Variants in GNAQ observed in about 807,000 individuals in gnomAD.
GNAQ encodes the protein G protein subunit alpha q.
In GNAQ, 8 loss-of-function variants were observed where a neutral mutation model predicts 43.9. The observed-to-expected ratio is 0.18, with a 90% CI of 0.11 to 0.33. The LOEUF is 0.33. Ranked by LOEUF, GNAQ falls within the 10% of genes least tolerant of loss-of-function variation. GNAQ has a pLI of 1.00. For missense variants in GNAQ, 158 were observed against 450.8 expected (o/e 0.35, Z 5.88); for synonymous variants, 155 against 170.7 (o/e 0.91, Z 0.71).
At chr9:77,824,263 CT>C (rs1158097100) in intron 2 of GNAQ, among the ~76,000 whole-genome samples, 1 of 152,038 alleles carries the variant, frequency 6.6e-6, no homozygotes, top group African/African-American at 2.4e-5. Flanking sequence ...CTTGGTAGAC[CT>C]TAATAGTTTT....
chr9:77,745,968 T>G (rs1825722217), intron 5 of GNAQ, among the ~76,000 whole-genome samples: 1 of 152,070 alleles, frequency 6.6e-6, no homozygotes, highest in Non-Finnish European at 1.5e-5. Flanking sequence ...TCCTTAAATT[T>G]CAGAATTATC....
chr9:77,880,280 T>A (rs575378769), intron 2 of GNAQ, among the ~76,000 whole-genome samples: 1 of 152,304 alleles, frequency 6.6e-6, no homozygotes, highest in African/African-American at 2.4e-5. Flanking sequence ...GAATTTGTAA[T>A]AATGTTTATA....
chr9:77,971,114 T>C (rs1823231989), intron 1 of GNAQ, among the ~76,000 whole-genome samples: 1 of 152,096 alleles, frequency 6.6e-6, no homozygotes, highest in Non-Finnish European at 1.5e-5. Context: ...AATAACAGGT[T>C]CTGAAATTGA....
chr9:77,920,628 G>GAT (rs1440350676), intron 2 of GNAQ, among the ~76,000 whole-genome samples: 3 of 152,170 alleles, frequency 2.0e-5, no homozygotes, highest in Admixed American at 1.3e-4. Flanking sequence ...AGACTACTTA[G>GAT]ATATATCCAT....
chr9:77,955,454 C>T (rs1000213379), intron 1 of GNAQ, among the ~76,000 whole-genome samples: 1 of 152,024 alleles, frequency 6.6e-6, no homozygotes, highest in East Asian at 1.9e-4. Flanking sequence ...AATGTTTACT[C>T]CTTAGTGAAA....
intron 2 of GNAQ, among the ~76,000 whole-genome samples, chr9:77,875,028 G>A (rs1438770708): frequency 6.6e-6 from 1 of 152,034 alleles, no homozygotes; most frequent in Non-Finnish European, 1.5e-5. Context: ...CCTCTAACTG[G>A]TTCAGTGTAA....
chr9:77,993,940 T>C (rs1172931404), intron 1 of GNAQ, among the ~76,000 whole-genome samples: 2 of 152,112 alleles, frequency 1.3e-5, no homozygotes, highest in African/African-American at 2.4e-5. Context: ...CCTTAAGAAA[T>C]GAAAAACCAT....
intron 1 of GNAQ, among the ~76,000 whole-genome samples, chr9:78,007,412 A>AG: frequency 1.3e-5 from 2 of 151,996 alleles, no homozygotes; most frequent in South Asian, 4.2e-4. Context: ...CCCTTGCTCA[A>AG]GCAAGCCACC....
chr9:77,739,657 C>T (rs1410012707), intron 5 of GNAQ, among the ~76,000 whole-genome samples: 1 of 152,176 alleles, frequency 6.6e-6, no homozygotes, highest in Admixed American at 6.5e-5. Context: ...TATGGCACCA[C>T]CTAACTTGCT....
intron 1 of GNAQ, among the ~76,000 whole-genome samples, chr9:78,004,034 C>T (rs75463253): frequency 0.042 from 6,318 of 152,040 alleles, 197 homozygotes; most frequent in Non-Finnish European, 0.055. Context: ...TATAAATCAT[C>T]ACAATTACAA....
intron 2 of GNAQ, among the ~76,000 whole-genome samples, chr9:77,900,320 A>C (rs1828582080): frequency 1.3e-5 from 2 of 152,224 alleles, no homozygotes; most frequent in African/African-American, 4.8e-5. Flanking sequence ...ATCAGGAGAC[A>C]CTAAGATATT....
intron 2 of GNAQ, among the ~76,000 whole-genome samples, chr9:77,833,411 C>T (rs1360058958): frequency 2.6e-5 from 4 of 152,178 alleles, no homozygotes; most frequent in Non-Finnish European, 5.9e-5. Context: ...CAGTGTGGCT[C>T]CAAAGTACAA....
At chr9:78,009,752 A>G (rs1339470211) in intron 1 of GNAQ, among the ~76,000 whole-genome samples, 1 of 152,240 alleles carries the variant, frequency 6.6e-6, no homozygotes, top group African/African-American at 2.4e-5. Context: ...GTTTAAATGA[A>G]TCTGATCTTG....
intron 5 of GNAQ, among the ~76,000 whole-genome samples, chr9:77,774,267 AAG>A (rs1296440921): frequency 6.6e-6 from 1 of 152,206 alleles, no homozygotes; most frequent in Non-Finnish European, 1.5e-5. Context: ...TTACTTCTAA[AAG>A]ATGTATCAGT....
At chr9:77,906,797 C>T (rs1332493333) in intron 2 of GNAQ, among the ~76,000 whole-genome samples, 1 of 152,168 alleles carries the variant, frequency 6.6e-6, no homozygotes, top group African/African-American at 2.4e-5. Context: ...CTCCAAACCT[C>T]AATGGGGGTT....
At chr9:77,985,054 T>G (rs1216008516) in intron 1 of GNAQ, among the ~76,000 whole-genome samples, 1 of 152,186 alleles carries the variant, frequency 6.6e-6, no homozygotes, top group African/African-American at 2.4e-5. Context: ...CTCACACCTG[T>G]AATCCCAGCA....
chr9:77,889,354 T>A (rs1485511676), intron 2 of GNAQ, among the ~76,000 whole-genome samples: 3 of 128,708 alleles, frequency 2.3e-5, no homozygotes, highest in Non-Finnish European at 4.6e-5. Context: ...TAGGGTGCAG[T>A]GAGCCAAGAT....
chr9:77,717,866 T>C lies in GNAQ; in HGVS notation c.*3457A>G, dbSNP rs1190365430. On this transcript the variant is annotated 3_prime_UTR_variant, in exon 7 of 7. Transcript: ENST00000286548. ...ATGACATTCAACAGAGCTCTTTATA[T>C]GGAAATGTTAAAAACAAAAACTTCT... 1.3e-5 allele frequency: 3 copies of C among 232,544 alleles called. No individual in the cohort carries two copies. Among genetic ancestry groups the C allele is most frequent in the Middle Eastern group, 1.3e-3 (1 of 782 alleles). The allele number at this position is 232,544 out of a possible 1,614,324, so 14.4% of individuals were successfully genotyped here.
intron 5 of GNAQ, among the ~76,000 whole-genome samples, chr9:77,761,521 C>T (rs1826022281): frequency 7.0e-6 from 1 of 143,058 alleles, no homozygotes; most frequent in African/African-American, 2.6e-5. Flanking sequence ...CCCCGCCCGG[C>T]CAGCCGCCCC....
Sources: allele counts gnomAD v4.1 joint callset (sites outside exome capture counted in the v4.1 genomes callset), GRCh38; gene constraint gnomAD v4.1.1; transcripts MANE v1.5; gene names NCBI Gene and HGNC (gene_info 2026-07-23, HGNC 2026-07-21).